Variants in IL1RAPL1 observed in about 807,000 individuals in gnomAD.
IL1RAPL1 encodes interleukin-1 receptor accessory protein-like 1.
In IL1RAPL1, 3 loss-of-function variants were observed where a neutral mutation model predicts 48.4. The observed-to-expected ratio is 0.06, with a 90% CI of 0.03 to 0.16. IL1RAPL1 has a LOEUF of 0.16. Ranked by LOEUF, IL1RAPL1 falls within the 10% of genes least tolerant of loss-of-function variation. The pLI is 1.00. For missense variants in IL1RAPL1, 349 were observed against 530.6 expected (o/e 0.66, Z 3.36); for synonymous variants, 185 against 187.7 (o/e 0.99, Z 0.12).
At chrX:29,049,917 A>C (rs1335716752) in intron 2 of IL1RAPL1, among the ~76,000 whole-genome samples, 1 of 111,873 alleles carries the variant, frequency 8.9e-6, no homozygotes, top group East Asian at 2.8e-4. Flanking sequence ...CTGTAAACTA[A>C]ACTCCAGACT....
At chrX:29,779,610 G>A (rs1385864399) in intron 6 of IL1RAPL1, among the ~76,000 whole-genome samples, 1 of 110,673 alleles carries the variant, frequency 9.0e-6, no homozygotes, top group Non-Finnish European at 1.9e-5. Flanking sequence ...AAAAGTTGGA[G>A]TGAAAAAATA....
chrX:29,079,270 A>G (rs1267485060), intron 2 of IL1RAPL1, among the ~76,000 whole-genome samples: 2 of 111,835 alleles, frequency 1.8e-5, no homozygotes, highest in Non-Finnish European at 3.8e-5. Flanking sequence ...CATTAAATGA[A>G]TATTTATTCA....
intron 6 of IL1RAPL1, among the ~76,000 whole-genome samples, chrX:29,761,281 A>G (rs5972874): frequency 0.16 from 17,313 of 111,324 alleles, 1,411 homozygotes; most frequent in African/African-American, 0.31. Context: ...CTTTCCAAAC[A>G]GAAATCCAGT....
intron 8 of IL1RAPL1, among the ~76,000 whole-genome samples, chrX:29,923,704 A>C (rs1737476551): frequency 8.9e-6 from 1 of 112,435 alleles, no homozygotes; most frequent in Non-Finnish European, 1.9e-5. Flanking sequence ...TGCCTGTCCA[A>C]CACACACTGA....
intron 6 of IL1RAPL1, among the ~76,000 whole-genome samples, chrX:29,710,385 A>AT (rs1927307079): frequency 9.4e-6 from 1 of 106,554 alleles, no homozygotes; most frequent in African/African-American, 3.4e-5. Flanking sequence ...AGGATGTTGA[A>AT]TTTTCTCAAA....
chrX:29,184,810 A>T, intron 2 of IL1RAPL1, among the ~76,000 whole-genome samples: 1 of 112,390 alleles, frequency 8.9e-6, no homozygotes, highest in Non-Finnish European at 1.9e-5. Flanking sequence ...CACATTATGT[A>T]TTCTTCATTG....
chrX:29,815,411 A>G (rs1930470935), intron 6 of IL1RAPL1, among the ~76,000 whole-genome samples: 1 of 111,590 alleles, frequency 9.0e-6, no homozygotes, highest in Non-Finnish European at 1.9e-5. Context: ...AGTGCTATTA[A>G]TTTTTATATA....
At chrX:29,346,701 C>T (rs760749642) in intron 3 of IL1RAPL1, among the ~76,000 whole-genome samples, 2 of 111,977 alleles carry the variant, frequency 1.8e-5, no homozygotes, top group Admixed American at 1.9e-4. Context: ...AATTAATTTG[C>T]GAATGTGATA....
chrX:29,187,292 G>T (rs1930269537), intron 2 of IL1RAPL1, among the ~76,000 whole-genome samples: 1 of 111,610 alleles, frequency 9.0e-6, no homozygotes, highest in African/African-American at 3.3e-5. Context: ...CTTCTGCCAA[G>T]AATTATGACA....
chrX:29,471,015 T>C (rs989845979), intron 5 of IL1RAPL1, among the ~76,000 whole-genome samples: 2 of 111,851 alleles, frequency 1.8e-5, no homozygotes, highest in African/African-American at 6.5e-5. Flanking sequence ...TTCCAGAACA[T>C]TTTATCACCC....
At chrX:29,342,144 G>T (rs945628360) in intron 3 of IL1RAPL1, among the ~76,000 whole-genome samples, 15 of 96,886 alleles carry the variant, frequency 1.5e-4, no homozygotes, top group African/African-American at 7.1e-4. Flanking sequence ...GTGTGTGTGT[G>T]TGTGTGTGTG....
intron 1 of IL1RAPL1, among the ~76,000 whole-genome samples, chrX:28,691,485 G>A (rs182009786): frequency 5.4e-4 from 60 of 111,713 alleles, no homozygotes; most frequent in African/African-American, 1.4e-3. Context: ...ACATTTCTTC[G>A]TGTGATTCTT....
intron 6 of IL1RAPL1, among the ~76,000 whole-genome samples, chrX:29,902,047 G>C (rs1281502439): frequency 8.9e-6 from 1 of 111,769 alleles, no homozygotes; most frequent in Non-Finnish European, 1.9e-5. Flanking sequence ...TCAACTCAAG[G>C]GTAACAATGG....
At chrX:29,306,530 G>GAAAAAAAAAAAAAAAA (rs1166748708) in intron 3 of IL1RAPL1, among the ~76,000 whole-genome samples, 1 of 33,446 alleles carries the variant, frequency 3.0e-5, no homozygotes, top group African/African-American at 1.4e-4. Context: ...TCTGTCAAAA[G>GAAAAAAAAAAAAAAAA]AAAAAAAAAA....
rs1270246223 is a variant in IL1RAPL1 at position 29,080,924 on chromosome X, T to TTTTCTTTCTTTC, written c.83-201952_83-201941dup. Among the ~76,000 whole-genome samples, 15 of 67,901 alleles carry TTTTCTTTCTTTC rather than the reference T, an allele frequency of 2.2e-4. 1 individual carries two copies. Among genetic ancestry groups the TTTTCTTTCTTTC allele is most frequent in the African/African-American group, 3.7e-4 (6 of 16,317 alleles). 59.0% of individuals were successfully genotyped at this position (67,901 alleles called of 115,157 possible). A position where few individuals can be genotyped will look rare whatever the true frequency, so the allele number is the denominator to read the frequency against. On this transcript the variant is annotated intron_variant, in intron 2 of 10. Transcript: ENST00000378993. ...CATCCAGCTATTTTTTTTAAATATT[T>TTTTCTTTCTTTC]TTTCTTTCTTTCTTTCTTTCTTTCT...
At chrX:28,684,829 A>G in intron 1 of IL1RAPL1, among the ~76,000 whole-genome samples, 1 of 112,202 alleles carries the variant, frequency 8.9e-6, no homozygotes. Flanking sequence ...TCTTAAGCTT[A>G]GAAAAGAAGT....
At chrX:28,850,969 CCAGT>C (rs202228808) in intron 2 of IL1RAPL1, among the ~76,000 whole-genome samples, 2,521 of 106,443 alleles carry the variant, frequency 0.024, 77 homozygotes, top group African/African-American at 0.083. Context: ...TCTGTGTCTG[CCAGT>C]CAAAGGTAGT....
At chrX:28,695,983 A>G (rs978992525) in intron 1 of IL1RAPL1, among the ~76,000 whole-genome samples, 8 of 112,246 alleles carry the variant, frequency 7.1e-5, no homozygotes, top group Non-Finnish European at 1.5e-4. Flanking sequence ...TTAATATTCA[A>G]TCAGATGCTT....
chrX:29,287,286 G>T (rs772394540), intron 3 of IL1RAPL1, among the ~76,000 whole-genome samples: 114 of 111,678 alleles, frequency 1.0e-3, no homozygotes, highest in African/African-American at 3.6e-3. Flanking sequence ...TTTTATTGCT[G>T]TGTAGTATTC....
Sources: allele counts gnomAD v4.1 joint callset (sites outside exome capture counted in the v4.1 genomes callset), GRCh38; gene constraint gnomAD v4.1.1; transcripts MANE v1.5; gene names NCBI Gene and HGNC (gene_info 2026-07-23, HGNC 2026-07-21).